The following ZNF804B variants were observed in gnomAD, a reference collection of about 807,000 sequenced individuals.
ZNF804B encodes zinc finger protein 804B.
ZNF804B carries 80 observed loss-of-function variants against 101.4 expected under a neutral mutation model. The observed-to-expected ratio is 0.79, with a 90% CI of 0.66 to 0.95. The LOEUF is 0.95. Ranked by LOEUF, ZNF804B falls within the 40% of genes least tolerant of loss-of-function variation. The probability of loss-of-function intolerance (pLI) is 0.00; values close to 1 mark genes in which losing one functional copy is unlikely to be tolerated. For synonymous variants in ZNF804B, 622 were observed against 558.8 expected (o/e 1.11, Z -1.59); for missense variants, 1,673 against 1,561.9 (o/e 1.07, Z -1.20).
At chr7:89,148,927 C>T (rs1320213934) in intron 1 of ZNF804B, among the ~76,000 whole-genome samples, 1 of 152,038 alleles carries the variant, frequency 6.6e-6, no homozygotes, top group Admixed American at 6.6e-5. Context: ...TAGCCATAAA[C>T]AATCAGGTCC....
chr7:89,243,024 A>C (rs1311653886), intron 2 of ZNF804B, among the ~76,000 whole-genome samples: 1 of 151,798 alleles, frequency 6.6e-6, no homozygotes, highest in Non-Finnish European at 1.5e-5. Flanking sequence ...TGCTGACAAG[A>C]ATGCCTGAGA....
intron 1 of ZNF804B, among the ~76,000 whole-genome samples, chr7:88,908,970 G>C (rs1051776476): frequency 1.3e-5 from 2 of 151,742 alleles, no homozygotes; most frequent in Admixed American, 1.3e-4. Flanking sequence ...TACCACTGCA[G>C]ATGTGAGAAA....
chr7:88,890,399 C>T (rs1365855419), intron 1 of ZNF804B, among the ~76,000 whole-genome samples: 1 of 152,134 alleles, frequency 6.6e-6, no homozygotes, highest in East Asian at 1.9e-4. Flanking sequence ...TGCCTAGGAG[C>T]ATGAGAGCTG....
intron 1 of ZNF804B, among the ~76,000 whole-genome samples, chr7:89,193,015 T>C (rs1369054006): frequency 6.6e-6 from 1 of 152,052 alleles, no homozygotes; most frequent in Non-Finnish European, 1.5e-5. Context: ...ATAAGAGCCA[T>C]ACATGGCAAA....
At chr7:88,808,915 T>A (rs1352179526) in intron 1 of ZNF804B, among the ~76,000 whole-genome samples, 1 of 152,158 alleles carries the variant, frequency 6.6e-6, no homozygotes, top group Non-Finnish European at 1.5e-5. Context: ...GACAAAATAG[T>A]CAGCAACTGG....
chr7:89,033,902 A>C (rs1356016712), intron 1 of ZNF804B, among the ~76,000 whole-genome samples: 1 of 152,118 alleles, frequency 6.6e-6, no homozygotes, highest in Non-Finnish European at 1.5e-5. Flanking sequence ...TTAAAGAACT[A>C]TGATCATTTA....
intron 1 of ZNF804B, among the ~76,000 whole-genome samples, chr7:89,090,457 G>A (rs902599687): frequency 3.3e-5 from 5 of 151,868 alleles, no homozygotes; most frequent in Admixed American, 3.3e-4. Context: ...ATAGTACAAT[G>A]TTTGGCACAA....
At chr7:88,892,124 A>G (rs900786374) in intron 1 of ZNF804B, among the ~76,000 whole-genome samples, 2 of 152,160 alleles carry the variant, frequency 1.3e-5, no homozygotes, top group African/African-American at 4.8e-5. Context: ...CTGTCCAGAA[A>G]TATATTTAAA....
chr7:89,198,379 A>G lies in ZNF804B; in HGVS notation c.109-19776A>G, dbSNP rs76027150. On this transcript the variant is annotated intron_variant, in intron 1 of 3. Transcript: ENST00000333190. Reference sequence around the variant, plus strand: ...CCAAAGTAATTTCTAATCACCTTGCATGTTCATGCTCACTATTTATGTTTA... The same window carrying G: ...CCAAAGTAATTTCTAATCACCTTGCGTGTTCATGCTCACTATTTATGTTTA... Among the ~76,000 whole-genome samples, 916 of 152,078 alleles carry G rather than the reference A, an allele frequency of 6.0e-3. 10 individuals carry two copies. Among genetic ancestry groups the G allele is most frequent in the Middle Eastern group, 0.017 (5 of 292 alleles).
intron 1 of ZNF804B, among the ~76,000 whole-genome samples, chr7:89,127,571 A>T (rs1018743914): frequency 2.6e-5 from 4 of 151,820 alleles, no homozygotes; most frequent in African/African-American, 9.7e-5. Context: ...AGATGTTTCT[A>T]CCACAGCTGG....
chr7:88,796,900 C>T (rs1269140781), intron 1 of ZNF804B, among the ~76,000 whole-genome samples: 1 of 152,038 alleles, frequency 6.6e-6, no homozygotes, highest in Admixed American at 6.6e-5. Context: ...AAGGTAGACA[C>T]AACTAGTTAA....
chr7:89,084,292 G>T (rs1256156915), intron 1 of ZNF804B, among the ~76,000 whole-genome samples: 1 of 151,896 alleles, frequency 6.6e-6, no homozygotes, highest in African/African-American at 2.4e-5. Context: ...CTTAGAATCA[G>T]CAAGCTGATT....
chr7:89,249,928 C>T (rs1238381567), intron 2 of ZNF804B, among the ~76,000 whole-genome samples: 1 of 152,094 alleles, frequency 6.6e-6, no homozygotes, highest in African/African-American at 2.4e-5. Flanking sequence ...TGGTTCACAC[C>T]AGTAATCCCA....
chr7:89,160,572 T>C (rs1791043750), intron 1 of ZNF804B, among the ~76,000 whole-genome samples: 2 of 152,000 alleles, frequency 1.3e-5, no homozygotes, highest in African/African-American at 4.8e-5. Flanking sequence ...TAAAATAGAG[T>C]ACACCTAATA....
intron 1 of ZNF804B, among the ~76,000 whole-genome samples, chr7:89,052,905 G>T (rs10234072): frequency 6.6e-6 from 1 of 151,968 alleles, no homozygotes; most frequent in African/African-American, 2.4e-5. Flanking sequence ...AGACATATTT[G>T]GGCTTTCACA....
rs34781240 is a variant in ZNF804B, at chr7:88,794,465, C to T, written c.108+34381C>T. ...TTTAGGGACTGTGACTGTGTCACAT[C>T]GTCGAGATACATAACTGGAACTTTT... On this transcript the variant is annotated intron_variant, in intron 1 of 3. Coordinates refer to ENST00000333190, the MANE Select transcript of ZNF804B (RefSeq NM_181646.5). 6.2e-3 allele frequency: 10,083 copies of T among 1,613,778 alleles called. 54 individuals are homozygous for T. The highest frequency in any genetic ancestry group is 7.8e-3 in the Non-Finnish European group (9,148 of 1,179,834).
intron 1 of ZNF804B, among the ~76,000 whole-genome samples, chr7:88,884,293 C>T (rs906243128): frequency 6.6e-6 from 1 of 151,636 alleles, no homozygotes; most frequent in Non-Finnish European, 1.5e-5. Flanking sequence ...ATTTTAAATA[C>T]AGAGGATATT....
At chr7:89,021,161 G>A (rs1323352139) in intron 1 of ZNF804B, among the ~76,000 whole-genome samples, 1 of 152,140 alleles carries the variant, frequency 6.6e-6, no homozygotes, top group African/African-American at 2.4e-5. Context: ...AGTTGAATGA[G>A]GTGCACGGGC....
chr7:89,268,412 T>C (rs1039164096), intron 2 of ZNF804B, among the ~76,000 whole-genome samples: 2 of 152,134 alleles, frequency 1.3e-5, no homozygotes, highest in South Asian at 2.1e-4. Context: ...ATCCCACCTA[T>C]GTTAGACTTC....
Sources: gnomAD v4.1 joint callset for allele counts (sites outside exome capture counted in the v4.1 genomes callset) on GRCh38, gnomAD v4.1.1 for gene constraint, MANE v1.5 for transcripts, NCBI Gene and HGNC (gene_info 2026-07-23, HGNC 2026-07-21) for gene names.